The following CT45A1 variants were observed in gnomAD, a reference collection of about 807,000 sequenced individuals.
CT45A1 encodes the protein cancer/testis antigen 45-1.
intron 1 of CT45A1, among the ~76,000 whole-genome samples, chrX:135,718,369 G>T (rs1281246121): frequency 3.6e-5 from 4 of 110,863 alleles, no homozygotes; most frequent in African/African-American, 1.3e-4. Context: ...GCTTGATCTT[G>T]TAGTTTTTCA....
At chrX:135,716,203 G>A (rs1332858340) in intron 1 of CT45A1, among the ~76,000 whole-genome samples, 3 of 111,271 alleles carry the variant, frequency 2.7e-5, no homozygotes, top group East Asian at 2.8e-4. Flanking sequence ...CCCAGTGATG[G>A]GATTGCTGAG....
At chrX:135,717,088 G>A (rs1228668456) in intron 1 of CT45A1, among the ~76,000 whole-genome samples, 2 of 110,381 alleles carry the variant, frequency 1.8e-5, no homozygotes, top group Non-Finnish European at 3.8e-5. Flanking sequence ...ATTTTCCTTG[G>A]CTTAAAAAAA....
At chrX:135,715,302 ATATACAATACT>A (rs2087971733) in intron 1 of CT45A1, among the ~76,000 whole-genome samples, 52 of 73,000 alleles carry the variant, frequency 7.1e-4, no homozygotes, top group African/African-American at 1.9e-3. Context: ...TAATACTTAT[ATATACAATACT>A]TATATATAAT....
chrX:135,709,249 C>CT (rs782239367), upstream of CT45A1, among the ~76,000 whole-genome samples: 46 of 111,862 alleles, frequency 4.1e-4, no homozygotes, highest in African/African-American at 1.4e-3. Context: ...CCTCAGCCTC[C>CT]TGTGTAGCTG....
Position 135,717,287 on chromosome X carries a change from G to A in CT45A1, c.-6-1648G>A, listed in dbSNP as rs373663051. Among the ~76,000 whole-genome samples, 7 of 111,817 alleles carry A rather than the reference G, an allele frequency of 6.3e-5. No individual in the cohort carries two copies. In the East Asian group the frequency reaches 8.4e-4, roughly 13 times the overall value. On this transcript the variant is annotated intron_variant, in intron 1 of 4. Transcript: ENST00000594565. Reference sequence around the variant, plus strand: ...CTTCCAGCCAGGCATGGTGGCTCACGCCTGTAATCCCAGCACTGTGGGAGG... The same window carrying A: ...CTTCCAGCCAGGCATGGTGGCTCACACCTGTAATCCCAGCACTGTGGGAGG...
At chrX:135,714,999 A>G (rs2087966564) in intron 1 of CT45A1, among the ~76,000 whole-genome samples, 1 of 107,596 alleles carries the variant, frequency 9.3e-6, no homozygotes. Flanking sequence ...TTATATACAC[A>G]TGCACGCAGG....
Position 135,715,151 on chromosome X carries a change from GC to G in CT45A1, c.-7+1462del, listed in dbSNP as rs1208062359. Among the ~76,000 whole-genome samples the G allele has an allele frequency of 3.1e-5, 3 of 97,431 alleles. No homozygotes were observed. The Admixed American group carries it at 3.8e-4, about 12-fold the overall frequency. 84.6% of individuals were successfully genotyped at this position (97,431 alleles called of 115,157 possible). The stretch of plus-strand genomic sequence containing the variant: ...AGTCAGTGTATTATTTATGGGTAGT[GC>G]TTTTTATTATTTAAGAAACATCTTT... On this transcript the variant is annotated intron_variant, in intron 1 of 4. Coordinates refer to ENST00000594565, the MANE Select transcript of CT45A1 (RefSeq NM_001017417.3).
chrX:135,714,732 A>T (rs1235758423), intron 1 of CT45A1, among the ~76,000 whole-genome samples: 5 of 110,496 alleles, frequency 4.5e-5, no homozygotes, highest in African/African-American at 9.9e-5. Context: ...GCACCTTTTT[A>T]AAAAAATTGT....
chrX:135,715,275 TATA>T (rs1305773986), intron 1 of CT45A1, among the ~76,000 whole-genome samples: 5 of 85,511 alleles, frequency 5.8e-5, no homozygotes, highest in African/African-American at 2.2e-4. Flanking sequence ...CTTATATATA[TATA>T]ATACTTATAT....
upstream of CT45A1, among the ~76,000 whole-genome samples, chrX:135,711,176 G>C (rs2353527): frequency 7.6e-4 from 85 of 111,920 alleles, 1 homozygote; most frequent in African/African-American, 2.5e-3. Context: ...GAGTACTGCT[G>C]TGGTGGGATT....
upstream of CT45A1, among the ~76,000 whole-genome samples, chrX:135,711,936 C>A (rs2087935624): frequency 9.1e-6 from 1 of 109,645 alleles, no homozygotes; most frequent in Non-Finnish European, 1.9e-5. Context: ...CAAAAATTAG[C>A]CGGGCATGGT....
At chrX:135,714,159 G>A (rs1231012376) in intron 1 of CT45A1, among the ~76,000 whole-genome samples, 2 of 109,518 alleles carry the variant, frequency 1.8e-5, no homozygotes, top group Non-Finnish European at 3.8e-5. Flanking sequence ...CCGCCCTGTG[G>A]GATCGCTGAC....
chrX:135,713,219 T>G (rs201174007), upstream of CT45A1, among the ~76,000 whole-genome samples: 7,061 of 101,477 alleles, frequency 0.07, 200 homozygotes, highest in East Asian at 0.084. Context: ...TGTGTGTGTT[T>G]TTTTTTTTTT....
chrX:135,709,025 G>GAATT (rs1556568880), upstream of CT45A1, among the ~76,000 whole-genome samples: 15 of 111,043 alleles, frequency 1.4e-4, no homozygotes, highest in African/African-American at 4.9e-4. Context: ...CTTTCTAGCT[G>GAATT]GACCCAAACT....
upstream of CT45A1, among the ~76,000 whole-genome samples, chrX:135,710,719 A>G (rs2087929473): frequency 8.9e-6 from 1 of 112,512 alleles, no homozygotes; most frequent in Non-Finnish European, 1.9e-5. Flanking sequence ...GCTAATTAAT[A>G]TGTAGATAAT....
chrX:135,713,910 A>T (rs1393473273), intron 1 of CT45A1, among the ~76,000 whole-genome samples: 12 of 97,693 alleles, frequency 1.2e-4, no homozygotes, highest in Non-Finnish European at 4.0e-5. Context: ...CGTCTCAGCC[A>T]TGTTGTGAGG....
chrX:135,713,756 T>C (rs2087954468), intron 1 of CT45A1, 66 bp downstream of exon 1: 1 of 683,060 alleles, frequency 1.5e-6, no homozygotes, highest in African/African-American at 2.4e-5. Context: ...CCCCAGAAAG[T>C]GTCCTTTTTC....
upstream of CT45A1, among the ~76,000 whole-genome samples, chrX:135,711,474 G>C (rs1410054575): frequency 9.1e-6 from 1 of 110,239 alleles, no homozygotes; most frequent in Non-Finnish European, 1.9e-5. Flanking sequence ...TCCCTTTGTC[G>C]CCCAGGCTGG....
chrX:135,717,101 T>G (rs1433012500), intron 1 of CT45A1, among the ~76,000 whole-genome samples: 1 of 112,111 alleles, frequency 8.9e-6, no homozygotes, highest in Non-Finnish European at 1.9e-5. Flanking sequence ...TAAAAAAAAC[T>G]TGGCTTTTCC....
Sources: allele counts gnomAD v4.1 joint callset (sites outside exome capture counted in the v4.1 genomes callset), GRCh38; gene constraint gnomAD v4.1.1; transcripts MANE v1.5; gene names NCBI Gene and HGNC (gene_info 2026-07-23, HGNC 2026-07-21).